The following SGMS2 variants were observed in gnomAD, a reference collection of about 807,000 sequenced individuals.
SGMS2 encodes phosphatidylcholine:ceramide cholinephosphotransferase 2.
A neutral mutation model predicts 43.8 loss-of-function variants in SGMS2; 21 were observed. The ratio of observed to expected loss-of-function variants is 0.48; its 90% CI spans 0.34 to 0.69. The LOEUF is 0.69. SGMS2 is among the 30% of genes least tolerant of loss of function. The pLI is 0.01. For synonymous variants in SGMS2, 167 were observed against 160.6 expected, an observed-to-expected ratio of 1.04 and a Z score of -0.30; for missense variants, 384 against 443.2, an observed-to-expected ratio of 0.87 and a Z score of 1.20.
In SGMS2 at chr4:107,912,873, A is replaced by AG. The variant is rs1732214487; in HGVS notation, c.*2320_*2321insG. On this transcript the variant is annotated 3_prime_UTR_variant, in exon 7 of 7. Transcript: ENST00000690982. ...CCATGTCTTTACACGCATGTGTCGT[A>AG]TAGCTCTGTCATCGAGTTGAGGAAG... 1 of 152,114 alleles carries AG rather than the reference A, an allele frequency of 6.6e-6. No individual in the cohort carries two copies. The highest frequency in any genetic ancestry group is 1.5e-5 in the Non-Finnish European group (1 of 68,022). The allele number at this position is 152,114 out of a possible 1,614,324, so 9.4% of individuals were successfully genotyped here.
At chr4:107,879,540 C>T (rs1189912527) in intron 2 of SGMS2, among the ~76,000 whole-genome samples, 2 of 151,684 alleles carry the variant, frequency 1.3e-5, no homozygotes, top group African/African-American at 2.4e-5. Flanking sequence ...CATCTCACTG[C>T]AACCTCTGCC....
intron 3 of SGMS2, among the ~76,000 whole-genome samples, chr4:107,898,746 A>G (rs772328220): frequency 8.5e-5 from 13 of 152,180 alleles, no homozygotes; most frequent in Non-Finnish European, 1.8e-4. Context: ...CCTTTTGAAG[A>G]CAGGATCCTC....
Position 107,885,666 on chromosome 4 carries a change from G to T in SGMS2, c.-244-9644G>T, listed in dbSNP as rs560168755. Among the ~76,000 whole-genome samples, 4 of 152,114 alleles carry T rather than the reference G, an allele frequency of 2.6e-5. No individual in the cohort carries two copies. In the South Asian group the frequency reaches 8.3e-4, roughly 32 times the overall value. ...TTCTAGCCAATTAAGCCAAGAAAATGAAAACAAAACAGGCAGGTAATGACT... is the reference window on the plus strand; with the variant it reads ...TTCTAGCCAATTAAGCCAAGAAAATTAAAACAAAACAGGCAGGTAATGACT... On this transcript the variant is annotated intron_variant, in intron 2 of 6. Coordinates refer to ENST00000690982, the MANE Select transcript of SGMS2 (RefSeq NM_001375905.1).
intron 2 of SGMS2, among the ~76,000 whole-genome samples, chr4:107,888,473 GGTTT>G (rs1729930623): frequency 6.6e-6 from 1 of 151,898 alleles, no homozygotes; most frequent in Non-Finnish European, 1.5e-5. Context: ...TGGACTTTCT[GGTTT>G]GTCCTGAACA....
chr4:107,889,628 C>T (rs1730040157), intron 2 of SGMS2, among the ~76,000 whole-genome samples: 1 of 152,132 alleles, frequency 6.6e-6, no homozygotes, highest in Non-Finnish European at 1.5e-5. Context: ...GTTAGGCATG[C>T]CAATAGAAAC....
At position 107,851,262 on chromosome 4, in the gene SGMS2, A is replaced by G. The variant is rs910810475; in HGVS notation, c.-326-7210A>G. 2.6e-5 allele frequency among the ~76,000 whole-genome samples: 4 copies of G among 152,222 alleles called. 1 individual carries two copies. The highest frequency in any genetic ancestry group is 5.9e-5 in the Non-Finnish European group (4 of 68,038). On this transcript the variant is annotated intron_variant, in intron 1 of 6. Coordinates refer to ENST00000690982, the MANE Select transcript of SGMS2 (RefSeq NM_001375905.1). ...CTTTGTAAGAGTTATGACAAGTACA[A>G]ATCATTCATCTTTCAAACAAGTTTC... is the stretch of plus-strand genomic sequence containing the variant.
At chr4:107,842,243 C>T (rs1193301669) in intron 1 of SGMS2, among the ~76,000 whole-genome samples, 1 of 152,142 alleles carries the variant, frequency 6.6e-6, no homozygotes, top group Non-Finnish European at 1.5e-5. Context: ...TTAATTGGCT[C>T]ACTGTTCTGC....
At chr4:107,870,852 C>T (rs986055930) in intron 2 of SGMS2, among the ~76,000 whole-genome samples, 3 of 151,980 alleles carry the variant, frequency 2.0e-5, no homozygotes, top group African/African-American at 4.8e-5. Context: ...TTTTAAAAAG[C>T]AATTTAAAGT....
chr4:107,868,442 TGTG>T (rs1313500813), intron 2 of SGMS2, among the ~76,000 whole-genome samples: 1 of 152,092 alleles, frequency 6.6e-6, no homozygotes, highest in Non-Finnish European at 1.5e-5. Context: ...GCCCGCCAGG[TGTG>T]GTGGCTCTCG....
At position 107,860,254 on chromosome 4, in the gene SGMS2, G is replaced by A. The variant is rs145326235; in HGVS notation, c.-245+1701G>A. On this transcript the variant is annotated intron_variant, in intron 2 of 6. Transcript: ENST00000690982. ...GGAGGACTTAATAAGCTAGTACTAA[G>A]ACACTTTCCTCATTCTTTTTTTAAA... is the stretch of plus-strand genomic sequence containing the variant. Among the ~76,000 whole-genome samples the A allele has an allele frequency of 1.4e-4, 22 of 152,110 alleles. No homozygotes were observed. The East Asian group carries it at 4.3e-3, about 29-fold the overall frequency.
chr4:107,905,727 T>C (rs545639678), intron 5 of SGMS2, among the ~76,000 whole-genome samples: 1 of 152,356 alleles, frequency 6.6e-6, no homozygotes, highest in East Asian at 1.9e-4. Context: ...TCAAGCTGGC[T>C]AACTCTATCG....
At chr4:107,901,155 A>T (rs1731081004) in intron 4 of SGMS2, among the ~76,000 whole-genome samples, 2 of 152,184 alleles carry the variant, frequency 1.3e-5, no homozygotes, top group South Asian at 4.1e-4. Flanking sequence ...GCCAAGCTAC[A>T]AATAGTCATA....
chr4:107,865,115 C>T (rs1578556646), intron 2 of SGMS2, among the ~76,000 whole-genome samples: 1 of 152,086 alleles, frequency 6.6e-6, no homozygotes, highest in African/African-American at 2.4e-5. Flanking sequence ...ATAGAATTCA[C>T]GTTGTTTATA....
At chr4:107,844,923 C>G (rs1726729740) in intron 1 of SGMS2, among the ~76,000 whole-genome samples, 1 of 152,060 alleles carries the variant, frequency 6.6e-6, no homozygotes, top group Non-Finnish European at 1.5e-5. Context: ...GAGACTGGAC[C>G]ATTTGTTCTC....
chr4:107,861,584 T>C lies in SGMS2; in HGVS notation c.-245+3031T>C, dbSNP rs951703067. 2.6e-5 allele frequency among the ~76,000 whole-genome samples: 4 copies of C among 152,330 alleles called. 1 individual carries two copies. In the South Asian group the frequency reaches 8.3e-4, roughly 32 times the overall value. On this transcript the variant is annotated intron_variant, in intron 2 of 6. Transcript: ENST00000690982. ...CCTACAGTTAGCCAGTTCTAGATAA[T>C]GAGGGTACTCTTTTCTTAAATCTGT...
chr4:107,839,480 G>A (rs867525437), intron 1 of SGMS2, among the ~76,000 whole-genome samples: 4 of 152,040 alleles, frequency 2.6e-5, no homozygotes, highest in Non-Finnish European at 4.4e-5. Context: ...GAGATATTAA[G>A]TGTATTGCTA....
In SGMS2 at chr4:107,895,528, C is replaced by T. The variant is rs1192132410; in HGVS notation, c.-26C>T. 2 of 1,580,148 alleles carry T rather than the reference C, an allele frequency of 1.3e-6. No homozygotes were observed. Among genetic ancestry groups the T allele is most frequent in the Admixed American group, 3.7e-5 (2 of 54,300 alleles). On this transcript the variant is annotated 5_prime_UTR_variant, in exon 3 of 7. Transcript: ENST00000690982. ...CAAAGAACAAGAACTTGACCATCTC[C>T]TTTTTGATCTGAAGACTAGGGGACA...
chr4:107,847,270 C>T (rs1178793847), intron 1 of SGMS2, among the ~76,000 whole-genome samples: 2 of 152,084 alleles, frequency 1.3e-5, no homozygotes, highest in African/African-American at 4.8e-5. Context: ...GTCTTTAATC[C>T]ATCTCGAATT....
intron 5 of SGMS2, 42 bp downstream of exon 5, chr4:107,903,428 G>T (rs750727889): frequency 6.2e-7 from 1 of 1,600,700 alleles, no homozygotes. Flanking sequence ...AGCTGTAGTG[G>T]GAGGGATCCC....
Sources: allele counts gnomAD v4.1 joint callset (sites outside exome capture counted in the v4.1 genomes callset), GRCh38; gene constraint gnomAD v4.1.1; transcripts MANE v1.5; gene names NCBI Gene and HGNC (gene_info 2026-07-23, HGNC 2026-07-21).